CYP11B2: variants seen among roughly 807,000 people sequenced by gnomAD.
CYP11B2 encodes the protein cytochrome P450 11B2, mitochondrial.
CYP11B2 carries 38 observed loss-of-function variants against 49.3 expected under a neutral mutation model. The ratio of observed to expected loss-of-function variants is 0.77; its 90% CI spans 0.59 to 1.01. The LOEUF (loss-of-function observed/expected upper bound fraction) is 1.01. Ranked by LOEUF, CYP11B2 falls within the 50% of genes least tolerant of loss-of-function variation. CYP11B2 has a pLI of 0.00. For synonymous variants in CYP11B2, 290 were observed against 269.3 expected (o/e 1.08, Z -0.75); for missense variants, 669 against 655.5 (o/e 1.02, Z -0.23).
Position 142,912,057 on chromosome 8 carries a change from C to G in CYP11B2, c.1435G>C (p.Glu479Gln). The part of the protein sequence containing the change: ...KHFLVETLTQ[E>Q]DIKMVYSFIL... ...AAGCTGTAGACCATCTTTATGTCCT[C>G]TTGAGTTAGTGTCTCCACCAGGAAG... Residue 479 changes from glutamate to glutamine, a missense_variant, in exon 9 of 9, where the codon GAG (glutamate) becomes CAG (glutamine). Transcript: ENST00000323110. 6.2e-6 allele frequency: 10 copies of G among 1,614,072 alleles called. No individual in the cohort carries two copies. Among genetic ancestry groups the G allele is most frequent in the Non-Finnish European group, 8.5e-6 (10 of 1,179,970 alleles).
At position 142,917,042 on chromosome 8, in the gene CYP11B2, C is replaced by T. The variant is rs1817659104; in HGVS notation, c.395+17G>A. The T allele has an allele frequency of 1.9e-6, 3 of 1,613,844 alleles. No individual in the cohort carries two copies. The highest frequency in any genetic ancestry group is 2.5e-6 in the Non-Finnish European group (3 of 1,179,884). On this transcript the variant is annotated intron_variant, in intron 2 of 8. Transcript: ENST00000323110. ...CCCACCCTGCTCCCAGCTCTCAGCT[C>T]CCAACTCGCCGCTTACAACAAGAAC... is the stretch of plus-strand genomic sequence containing the variant.
intron 8 of CYP11B2, 32 bp from the exon 9 acceptor site, chr8:142,912,125 G>A (rs909858246): frequency 6.2e-7 from 1 of 1,613,528 alleles, no homozygotes; most frequent in Non-Finnish European, 8.5e-7. Context: ...CATCTGGCCT[G>A]GTCAGTAGCC....
rs757330124 is a variant in CYP11B2, at chr8:142,914,322, A to G, written c.896T>C (p.Leu299Pro). 1.2e-6 allele frequency: 2 copies of G among 1,614,048 alleles called. No homozygotes were observed. Among genetic ancestry groups the G allele is most frequent in the South Asian group, 1.1e-5 (1 of 91,078 alleles). Residue 299 changes from leucine to proline, a missense_variant, in exon 5 of 9, where the codon CTG becomes CCG. By Grantham distance (98) the Leu-to-Pro change is moderately conservative. Coordinates refer to ENST00000323110, the MANE Select transcript of CYP11B2 (RefSeq NM_000498.3). Reference protein sequence around the residue: ...IVAELLLKAELSLEAIKANSM... With the variant: ...IVAELLLKAEPSLEAIKANSM... ...GTTGGCCTTGATGGCTTCTAGTGAC[A>G]GTTCCGCCTTCAACAGGAGCTCCGC...
chr8:142,913,916 G>A (rs1307205604), intron 5 of CYP11B2: 2 of 508,602 alleles, frequency 3.9e-6, no homozygotes, highest in East Asian at 5.3e-5. Context: ...GGTGCCCAGT[G>A]GAGTCCTCCA....
chr8:142,915,259 G>A lies in CYP11B2; in HGVS notation c.396-14C>T, dbSNP rs1381110519. The stretch of plus-strand genomic sequence containing the variant: ...TCAGGCCCATTCCTACAGAGGCCAG[G>A]GCAGAGCTTGTGAGGCCGCCCCAGC... On this transcript the variant is annotated splice_polypyrimidine_tract_variant and intron_variant, in intron 2 of 8. Transcript: ENST00000323110. 6.2e-7 allele frequency: 1 copy of A among 1,602,134 alleles called. No homozygotes were observed. Among genetic ancestry groups the A allele is most frequent in the Non-Finnish European group, 8.5e-7 (1 of 1,174,644 alleles).
chr8:142,912,252 G>C (rs1348606713), intron 8 of CYP11B2, among the ~76,000 whole-genome samples, 159 bp from the exon 9 acceptor site: 1 of 152,126 alleles, frequency 6.6e-6, no homozygotes, highest in East Asian at 1.9e-4. Context: ...TTACGGACCA[G>C]GCCCAGACTG....
chr8:142,917,258 C>T, intron 1 of CYP11B2, 44 bp from the exon 2 acceptor site: 1 of 1,600,938 alleles, frequency 6.2e-7, no homozygotes, highest in East Asian at 2.2e-5. Flanking sequence ...GGTCATGTCC[C>T]TCGTGGCCCC....
Position 142,917,084 on chromosome 8 carries a change from C to A in CYP11B2, c.370G>T (p.Gly124Trp). The A allele has an allele frequency of 1.2e-6, 2 of 1,614,208 alleles. No individual in the cohort carries two copies. Among genetic ancestry groups the A allele is most frequent in the Non-Finnish European group, 1.7e-6 (2 of 1,180,034 alleles). ...EPWVAYRQHR[G>W]HKCGVFLLNG... ...AACAAGAACACGCCACATTTGTGCC[C>A]ACGATGTTGTCTGTAGGCCACCCAG... is the stretch of plus-strand genomic sequence containing the variant. The change falls in exon 2 of 9, where the codon GGG (glycine) becomes TGG (tryptophan). Residue 124 changes from glycine (G) to tryptophan (W), a missense_variant. Physicochemically the swap from Gly to Trp is radical, Grantham distance 184. Coordinates refer to ENST00000323110, the MANE Select transcript of CYP11B2 (RefSeq NM_000498.3).
At chr8:142,914,197 G>T in intron 5 of CYP11B2, 67 bp downstream of exon 5, 1 of 1,587,536 alleles carries the variant, frequency 6.3e-7, no homozygotes, top group Non-Finnish European at 8.6e-7. Flanking sequence ...GTGTGGCATT[G>T]GCAGGCAGTG....
At chr8:142,917,008 C>A (rs1244472766) in intron 2 of CYP11B2, 51 bp downstream of exon 2, 7 of 1,607,210 alleles carry the variant, frequency 4.4e-6, no homozygotes, top group Middle Eastern at 1.7e-4. Flanking sequence ...CCCCCCTACA[C>A]CCAGGCTGCC....
rs775284577 is a variant in CYP11B2, at chr8:142,917,762, T to C, written c.79A>G (p.Arg27Gly). The change falls in exon 1 of 9, where the codon AGA becomes GGA. Residue 27 changes from arginine to glycine, a missense_variant. By Grantham distance (125) the Arg-to-Gly change is moderately radical (BLOSUM62 -2). Transcript: ENST00000323110. ...ACCGTCCTAGGGGCCCGAGCGGCTC[T>C]AGTGCCCAGTGCCCGTGCCCTTTGC... ...SLQRARALGT[R>G]AARAPRTVLP... is the part of the protein sequence containing the mutation. The C allele has an allele frequency of 3.1e-6, 5 of 1,614,100 alleles. No homozygotes were observed. In the African/African-American group the frequency reaches 5.3e-5, roughly 17 times the overall value.
Position 142,913,414 on chromosome 8 carries a change from G to C in CYP11B2, c.992C>G (p.Ala331Gly). ...GATCTGCTGCACGTCGGGGTTCCGA[G>C]CCAGCTCAAAGAGCGTCATCAGCAA... ...FPLLMTLFEL[A>G]RNPDVQQILR... The change falls in exon 6 of 9, where the codon GCT becomes GGT. Residue 331 changes from alanine to glycine, a missense_variant. Physicochemically the swap from Ala to Gly is moderately conservative, Grantham distance 60. Coordinates refer to ENST00000323110, the MANE Select transcript of CYP11B2 (RefSeq NM_000498.3). 1.2e-6 allele frequency: 2 copies of C among 1,614,034 alleles called. No individual in the cohort carries two copies. The highest frequency in any genetic ancestry group is 1.7e-6 in the Non-Finnish European group (2 of 1,180,010).
rs548624048 is a variant in CYP11B2 at position 142,915,638 on chromosome 8, T to C, written c.396-393A>G. 4.6e-5 allele frequency among the ~76,000 whole-genome samples: 6 copies of C among 130,400 alleles called. 1 individual carries two copies. The South Asian group carries it at 1.4e-3, about 31-fold the overall frequency. 85.5% of individuals were successfully genotyped at this position (130,400 alleles called of 152,430 possible). Reference sequence around the variant, plus strand: ...CTTTGCCCACCTCACCCACACAGTGTCCTGAGGGGAGAGCCCCTGGCTGCC... The same window carrying C: ...CTTTGCCCACCTCACCCACACAGTGCCCTGAGGGGAGAGCCCCTGGCTGCC... On this transcript the variant is annotated intron_variant, in intron 2 of 8. Transcript: ENST00000323110.
intron 5 of CYP11B2, 88 bp from the exon 6 acceptor site, chr8:142,913,539 G>T: frequency 6.6e-7 from 1 of 1,513,984 alleles, no homozygotes; most frequent in Non-Finnish European, 9.1e-7. Flanking sequence ...CCCTCTGAGG[G>T]GTGGAGACAT....
intron 4 of CYP11B2, 23 bp from the exon 5 acceptor site, chr8:142,914,441 C>T: frequency 6.2e-7 from 1 of 1,602,012 alleles, no homozygotes; most frequent in Non-Finnish European, 8.5e-7. Flanking sequence ...CAGGGGACAG[C>T]CCTCAGATCT....
rs1817527915 is a variant in CYP11B2, at chr8:142,911,211, C to CT, written c.*768dup. On this transcript the variant is annotated 3_prime_UTR_variant, in exon 9 of 9. Transcript: ENST00000323110. The stretch of plus-strand genomic sequence containing the variant: ...CACCCCAGGTTCCCACCCCACATGA[C>CT]TCTTCCATCTCCTGACAGCATCCTC... 1.3e-5 allele frequency: 2 copies of CT among 152,222 alleles called. No homozygotes were observed. Among genetic ancestry groups the CT allele is most frequent in the South Asian group, 4.2e-4 (2 of 4,816 alleles). The allele number at this position is 152,222 out of a possible 1,614,324, so 9.4% of individuals were successfully genotyped here.
rs1817541123 is a variant in CYP11B2 at position 142,911,888 on chromosome 8, G to T, written c.*92C>A. The stretch of plus-strand genomic sequence containing the variant: ...CTGGCTGGACAGAGGGGTGACTCAG[G>T]AAGCTGTGCACGTGGGAGAGAAGAC... On this transcript the variant is annotated 3_prime_UTR_variant, in exon 9 of 9. Transcript: ENST00000323110. The T allele has an allele frequency of 6.3e-7, 1 of 1,587,192 alleles. No individual in the cohort carries two copies. Among genetic ancestry groups the T allele is most frequent in the Admixed American group, 1.8e-5 (1 of 57,004 alleles).
intron 2 of CYP11B2, among the ~76,000 whole-genome samples, chr8:142,915,522 C>T (rs1817629354): frequency 7.2e-6 from 1 of 139,658 alleles, no homozygotes; most frequent in South Asian, 2.2e-4. Flanking sequence ...CCTGGCGACC[C>T]AAGTCTGGCA....
In CYP11B2 at chr8:142,911,589, G is replaced by A. The variant is rs1325633947; in HGVS notation, c.*391C>T. On this transcript the variant is annotated 3_prime_UTR_variant, in exon 9 of 9. Coordinates refer to ENST00000323110, the MANE Select transcript of CYP11B2 (RefSeq NM_000498.3). ...TGTCTGCACAGAGGCCCTGGCCAGG[G>A]CGAGAGGGACAGGGACATGTGAGAC... 3 of 279,998 alleles carry A rather than the reference G, an allele frequency of 1.1e-5. No homozygotes were observed. Among genetic ancestry groups the A allele is most frequent in the South Asian group, 4.4e-5 (1 of 22,660 alleles). 17.3% of individuals were successfully genotyped at this position (279,998 alleles called of 1,614,324 possible).
Sources: allele counts gnomAD v4.1 joint callset (sites outside exome capture counted in the v4.1 genomes callset), GRCh38; gene constraint gnomAD v4.1.1; transcripts MANE v1.5; gene names NCBI Gene and HGNC (gene_info 2026-07-23, HGNC 2026-07-21).